Variants in METTL16 observed in about 807,000 individuals in gnomAD.
METTL16 encodes methyltransferase 16, RNA N6-adenosine.
In METTL16, 19 loss-of-function variants were observed where a neutral mutation model predicts 57.9. The observed-to-expected ratio is 0.33, with a 90% CI of 0.23 to 0.48. The LOEUF is 0.48. METTL16 is among the 20% of genes least tolerant of loss of function. The pLI is 0.99. For missense variants in METTL16, 434 were observed against 691.5 expected (o/e 0.63, Z 4.18); for synonymous variants, 246 against 255.6 (o/e 0.96, Z 0.36).
intron 2 of METTL16, among the ~76,000 whole-genome samples, chr17:2,496,176 A>G (rs2067443737): frequency 6.6e-6 from 1 of 151,618 alleles, no homozygotes; most frequent in Admixed American, 6.6e-5. Context: ...TCCTACACAA[A>G]TAGTATTTTT....
chr17:2,452,464 G>GGCATC (rs1315578313), intron 6 of METTL16, among the ~76,000 whole-genome samples: 1 of 151,658 alleles, frequency 6.6e-6, no homozygotes, highest in Non-Finnish European at 1.5e-5. Flanking sequence ...ACTCTCAACG[G>GGCATC]GCATCTTGTG....
chr17:2,509,928 T>G (rs1597478375), intron 1 of METTL16, among the ~76,000 whole-genome samples: 1 of 141,636 alleles, frequency 7.1e-6, no homozygotes, highest in African/African-American at 2.7e-5. Flanking sequence ...AAAAAAAAAA[T>G]TAGCTGGGCG....
intron 6 of METTL16, among the ~76,000 whole-genome samples, chr17:2,454,443 CTATT>C (rs1426321708): frequency 6.6e-6 from 1 of 151,866 alleles, no homozygotes; most frequent in African/African-American, 2.4e-5. Flanking sequence ...TCAAAATTTA[CTATT>C]TAAACTATCA....
At chr17:2,427,451 G>A (rs987086387) in intron 8 of METTL16, among the ~76,000 whole-genome samples, 1 of 152,136 alleles carries the variant, frequency 6.6e-6, no homozygotes, top group Non-Finnish European at 1.5e-5. Context: ...TCCATCATGA[G>A]AGTCTCCAAG....
intron 2 of METTL16, among the ~76,000 whole-genome samples, chr17:2,490,329 G>A (rs566033025): frequency 1.1e-4 from 16 of 152,106 alleles, no homozygotes; most frequent in Admixed American, 7.2e-4. Flanking sequence ...CACTGTACTC[G>A]CTTGGGGGGA....
chr17:2,422,205 G>A (rs538934541), intron 8 of METTL16, among the ~76,000 whole-genome samples: 73 of 151,846 alleles, frequency 4.8e-4, no homozygotes, highest in Non-Finnish European at 9.1e-4. Flanking sequence ...CCAGCTACTC[G>A]GGAGGCTGAG....
rs1025285893 is a variant in METTL16 at position 2,417,881 on chromosome 17, G to A, written c.*2089C>T. 6.6e-6 allele frequency: 1 copy of A among 152,190 alleles called. No homozygotes were observed. The highest frequency in any genetic ancestry group is 2.4e-5 in the African/African-American group (1 of 41,436). 9.4% of individuals were successfully genotyped at this position (152,190 alleles called of 1,614,324 possible). A position where few individuals can be genotyped will look rare whatever the true frequency, so the allele number is the denominator to read the frequency against. ...AATAAGTACTTACTACTTACTGAAT[G>A]AATAGTTGCCACTTAAACAATTATC... On this transcript the variant is annotated 3_prime_UTR_variant, in exon 10 of 10. Coordinates refer to ENST00000263092, the MANE Select transcript of METTL16 (RefSeq NM_024086.4).
chr17:2,447,802 T>G (rs1209207675), intron 6 of METTL16, among the ~76,000 whole-genome samples: 18 of 52,654 alleles, frequency 3.4e-4, no homozygotes, highest in Admixed American at 5.8e-4. Flanking sequence ...GGGAGGGAGG[T>G]GGGGGGGTCA....
intron 8 of METTL16, among the ~76,000 whole-genome samples, chr17:2,425,194 C>T (rs567986045): frequency 6.6e-6 from 1 of 152,346 alleles, no homozygotes; most frequent in East Asian, 1.9e-4. Flanking sequence ...AACACTAGTA[C>T]ATAGAAGCTG....
At chr17:2,473,772 T>C in intron 3 of METTL16, 108 bp from the exon 4 acceptor site, 10 of 1,195,288 alleles carry the variant, frequency 8.4e-6, no homozygotes, top group African/African-American at 3.1e-5. Context: ...AGGGTCTCAC[T>C]CTGTCGCCCA....
intron 4 of METTL16, among the ~76,000 whole-genome samples, chr17:2,468,834 G>A (rs116830669): frequency 2.0e-4 from 31 of 152,234 alleles, no homozygotes; most frequent in African/African-American, 7.5e-4. Context: ...GCTGCAGCGA[G>A]CCATGATCAC....
intron 6 of METTL16, among the ~76,000 whole-genome samples, chr17:2,444,781 T>C (rs1006528245): frequency 6.6e-6 from 1 of 151,266 alleles, no homozygotes; most frequent in African/African-American, 2.4e-5. Flanking sequence ...TGGCGTGATC[T>C]TGGCTCACTG....
At chr17:2,469,930 C>T (rs963472735) in intron 4 of METTL16, among the ~76,000 whole-genome samples, 1 of 152,126 alleles carries the variant, frequency 6.6e-6, no homozygotes, top group East Asian at 1.9e-4. Flanking sequence ...TCATTATCTG[C>T]GCTAGTTATA....
At position 2,420,328 on chromosome 17, in the gene METTL16, ACAGCGG is replaced by A; in HGVS notation, c.1325_1330del (p.Ala442_Ala443del). On this transcript the variant is annotated inframe_deletion, in exon 10 of 10. Transcript: ENST00000263092. The surrounding 1 kb of genome is among the most constrained non-coding windows in gnomAD (Gnocchi z 5.4). The stretch of plus-strand genomic sequence containing the variant: ...CTCCTGGCTCGGGCACGGGCCCTCC[ACAGCGG>A]CAGCCTCGCCTTCCCGCAGAGCAGG... 3 of 1,611,858 alleles carry A rather than the reference ACAGCGG, an allele frequency of 1.9e-6. No individual in the cohort carries two copies. The highest frequency in any genetic ancestry group is 2.5e-6 in the Non-Finnish European group (3 of 1,180,000).
intron 2 of METTL16, among the ~76,000 whole-genome samples, chr17:2,501,987 A>AT (rs959668897): frequency 5.3e-5 from 8 of 151,898 alleles, no homozygotes; most frequent in East Asian, 3.9e-4. Context: ...CATCAAGAGA[A>AT]TTTTTTTTTA....
At chr17:2,509,630 C>T (rs1183753952) in intron 1 of METTL16, among the ~76,000 whole-genome samples, 1 of 152,298 alleles carries the variant, frequency 6.6e-6, no homozygotes, top group East Asian at 1.9e-4. Context: ...TCGCTCACGA[C>T]TATAATCCCA....
In METTL16 at chr17:2,452,864, T is replaced by G. The variant is rs551955822; in HGVS notation, c.729-11305A>C. On this transcript the variant is annotated intron_variant, in intron 6 of 9. Coordinates refer to ENST00000263092, the MANE Select transcript of METTL16 (RefSeq NM_024086.4). Reference sequence around the variant, plus strand: ...TGTTTTTTGTTTTTGTTTTTGTTTTTTTTAGACTTTTTTTCAGACAGAGGC... The same window carrying G: ...TGTTTTTTGTTTTTGTTTTTGTTTTGTTTAGACTTTTTTTCAGACAGAGGC... Among the ~76,000 whole-genome samples the G allele has an allele frequency of 4.6e-5, 7 of 152,278 alleles. No homozygotes were observed. The East Asian group carries it at 1.2e-3, about 25-fold the overall frequency.
At chr17:2,448,773 T>TAAAAAAAAAAAAAAAAAAAAA (rs1391105641) in intron 6 of METTL16, among the ~76,000 whole-genome samples, 4 of 29,606 alleles carry the variant, frequency 1.4e-4, no homozygotes, top group Non-Finnish European at 2.1e-4. Context: ...AAATAAAAAA[T>TAAAAAAAAAAAAAAAAAAAAA]AAAAAAATAA....
rs530447849 is a variant in METTL16 at position 2,496,197 on chromosome 17, G to A, written c.128+6007C>T. ...ACAAATAGTATTTTTATCTAATTGT[G>A]TTCAAGGCATTCATGGATCCTCTCA... On this transcript the variant is annotated intron_variant, in intron 2 of 9. Transcript: ENST00000263092. 8.6e-4 allele frequency among the ~76,000 whole-genome samples: 131 copies of A among 151,748 alleles called. 8 individuals carry two copies. The highest frequency in any genetic ancestry group is 3.0e-3 in the African/African-American group (125 of 41,078).
Sources: gnomAD v4.1 joint callset for allele counts (sites outside exome capture counted in the v4.1 genomes callset) on GRCh38, gnomAD v4.1.1 for gene constraint, Gnocchi (gnomAD v3.1) non-coding constraint, MANE v1.5 for transcripts, NCBI Gene and HGNC (gene_info 2026-07-23, HGNC 2026-07-21) for gene names.